NAALADL2: variants seen among roughly 807,000 people sequenced by gnomAD.
NAALADL2 encodes the protein N-acetylated alpha-linked acidic dipeptidase like 2.
A neutral mutation model predicts 87.2 loss-of-function variants in NAALADL2; 76 were observed. The observed-to-expected ratio is 0.87, with a 90% CI of 0.72 to 1.05. The LOEUF (loss-of-function observed/expected upper bound fraction) is 1.05. NAALADL2 is among the 50% of genes least tolerant of loss of function. The probability of loss-of-function intolerance (pLI) is 0.00; values close to 1 mark genes in which losing one functional copy is unlikely to be tolerated. For missense variants in NAALADL2, 1,089 were observed against 945.8 expected (o/e 1.15, Z -1.99); for synonymous variants, 354 against 331.0 (o/e 1.07, Z -0.75).
intron 2 of NAALADL2, among the ~76,000 whole-genome samples, chr3:175,190,895 G>T (rs1452394906): frequency 2.0e-5 from 3 of 150,342 alleles, no homozygotes; most frequent in Admixed American, 6.6e-5. Flanking sequence ...GGAGAATGGC[G>T]TGAACCCGGG....
At chr3:175,405,067 G>T (rs1407960565) in intron 5 of NAALADL2, among the ~76,000 whole-genome samples, 1 of 151,982 alleles carries the variant, frequency 6.6e-6, no homozygotes, top group Non-Finnish European at 1.5e-5. Context: ...ATCCTGTGGG[G>T]CTTAATTCAT....
intron 13 of NAALADL2, among the ~76,000 whole-genome samples, chr3:175,790,444 T>A (rs1376637511): frequency 6.6e-6 from 1 of 152,176 alleles, no homozygotes; most frequent in Non-Finnish European, 1.5e-5. Context: ...AGCCAGTAGA[T>A]GTTTAGATGC....
At chr3:175,262,447 T>A (rs185641994) in intron 4 of NAALADL2, among the ~76,000 whole-genome samples, 489 of 152,176 alleles carry the variant, frequency 3.2e-3, no homozygotes, top group Non-Finnish European at 5.4e-3. Flanking sequence ...GGAACTCTAT[T>A]TTTTGTTTCC....
In NAALADL2 at chr3:175,233,959, G is replaced by A. The variant is rs540783057; in HGVS notation, c.574G>A (p.Asp192Asn). 5.6e-6 allele frequency: 9 copies of A among 1,593,736 alleles called. No homozygotes were observed. The South Asian group carries it at 6.7e-5, about 12-fold the overall frequency. The change falls in exon 3 of 14, where the codon GAT (aspartate) becomes AAT (asparagine). Residue 192 changes from aspartate (D) to asparagine (N), a missense_variant. Transcript: ENST00000454872. Reference protein sequence around the residue: ...RNLVQLYKNEDDMEISKKIKT... With the variant: ...RNLVQLYKNENDMEISKKIKT... ...TTTGGTACAACTATATAAAAATGAA[G>A]ATGACATGGAAATTTCAAAGAAGAT...
intron 2 of NAALADL2, among the ~76,000 whole-genome samples, chr3:174,582,521 A>T (rs1318818043): frequency 6.6e-6 from 1 of 152,150 alleles, no homozygotes; most frequent in Non-Finnish European, 1.5e-5. Flanking sequence ...GTAGTTTCTG[A>T]TTTTCTTTAC....
intron 2 of NAALADL2, among the ~76,000 whole-genome samples, chr3:174,670,317 T>C (rs936822118): frequency 1.3e-5 from 2 of 152,086 alleles, no homozygotes; most frequent in African/African-American, 4.8e-5. Context: ...CATACACCCA[T>C]TATTGTTTTG....
intron 2 of NAALADL2, among the ~76,000 whole-genome samples, chr3:174,580,998 C>A (rs1716107615): frequency 6.6e-6 from 1 of 152,152 alleles, no homozygotes; most frequent in African/African-American, 2.4e-5. Flanking sequence ...CTCACCAACA[C>A]TTGTTATGGT....
chr3:174,895,031 G>T (rs1324343197), intron 1 of NAALADL2, among the ~76,000 whole-genome samples: 2 of 152,062 alleles, frequency 1.3e-5, no homozygotes, highest in African/African-American at 2.4e-5. Context: ...AGCAAAAGCA[G>T]TACACAGAGA....
At chr3:174,852,070 A>C (rs932334294) in intron 3 of NAALADL2, among the ~76,000 whole-genome samples, 1 of 152,124 alleles carries the variant, frequency 6.6e-6, no homozygotes. Flanking sequence ...TATAGAAGGA[A>C]CCAACCTGAT....
At chr3:174,664,162 T>C (rs1376443589) in intron 2 of NAALADL2, among the ~76,000 whole-genome samples, 2 of 152,160 alleles carry the variant, frequency 1.3e-5, no homozygotes, top group Non-Finnish European at 2.9e-5. Flanking sequence ...AGTATACCAC[T>C]GCTGAGAAAA....
At chr3:174,469,651 C>G (rs907333175) in intron 1 of NAALADL2, among the ~76,000 whole-genome samples, 2 of 151,784 alleles carry the variant, frequency 1.3e-5, no homozygotes, top group African/African-American at 4.8e-5. Flanking sequence ...AGGATGGTCT[C>G]TATCTCTTGA....
chr3:174,718,505 G>A (rs73174712), intron 2 of NAALADL2, among the ~76,000 whole-genome samples: 22,390 of 152,068 alleles, frequency 0.15, 1,946 homozygotes, highest in African/African-American at 0.23. Context: ...CATGGTAATG[G>A]AGCAATTAAT....
intron 2 of NAALADL2, among the ~76,000 whole-genome samples, chr3:175,118,687 C>A (rs1053033507): frequency 6.6e-6 from 1 of 151,694 alleles, no homozygotes; most frequent in African/African-American, 2.4e-5. Flanking sequence ...TAAAAATCTG[C>A]AATAGAGTTC....
At chr3:175,230,787 G>A (rs189494632) in intron 2 of NAALADL2, among the ~76,000 whole-genome samples, 171 of 152,094 alleles carry the variant, frequency 1.1e-3, no homozygotes, top group African/African-American at 4.1e-3. Context: ...CTATTGGCGA[G>A]GAATGGAGGA....
At chr3:174,471,705 A>C (rs113941349) in intron 1 of NAALADL2, among the ~76,000 whole-genome samples, 59 of 152,142 alleles carry the variant, frequency 3.9e-4, no homozygotes, top group African/African-American at 1.3e-3. Context: ...AGGTTGCTTT[A>C]ACTTTGTATG....
intron 2 of NAALADL2, among the ~76,000 whole-genome samples, chr3:174,725,134 T>A (rs778650449): frequency 2.6e-5 from 4 of 152,190 alleles, no homozygotes; most frequent in Non-Finnish European, 5.9e-5. Context: ...TGGTAAGACA[T>A]GTCCCTTGTA....
chr3:175,784,978 G>C (rs1050920738), intron 13 of NAALADL2, among the ~76,000 whole-genome samples: 2 of 149,020 alleles, frequency 1.3e-5, no homozygotes, highest in Admixed American at 1.3e-4. Context: ...AGTCATTCAG[G>C]AGCAGGTTGT....
intron 2 of NAALADL2, among the ~76,000 whole-genome samples, chr3:175,178,717 C>T (rs1213016634): frequency 1.3e-5 from 2 of 152,018 alleles, no homozygotes; most frequent in African/African-American, 2.4e-5. Context: ...ATCTGCATTT[C>T]TATAAAGTTT....
intron 1 of NAALADL2, among the ~76,000 whole-genome samples, chr3:175,008,815 A>AT (rs1015337077): frequency 2.0e-5 from 3 of 151,748 alleles, no homozygotes; most frequent in Non-Finnish European, 4.4e-5. Context: ...TCCAGCCATC[A>AT]TTTTTTGTAA....
Sources: gnomAD v4.1 joint callset for allele counts (sites outside exome capture counted in the v4.1 genomes callset) on GRCh38, gnomAD v4.1.1 for gene constraint, MANE v1.5 for transcripts, NCBI Gene and HGNC (gene_info 2026-07-23, HGNC 2026-07-21) for gene names.